MGAT5: variants seen among roughly 807,000 people sequenced by gnomAD.
The protein encoded by MGAT5 is alpha-1,6-mannosylglycoprotein 6-beta-N-acetylglucosaminyltransferase A.
MGAT5 carries 30 observed loss-of-function variants against 94.3 expected under a neutral mutation model. The ratio of observed to expected loss-of-function variants is 0.32; its 90% CI spans 0.24 to 0.43. The LOEUF is 0.43. Ranked by LOEUF, MGAT5 falls within the 20% of genes least tolerant of loss-of-function variation. MGAT5 has a pLI of 1.00. For synonymous variants in MGAT5, 310 were observed against 322.9 expected, an observed-to-expected ratio of 0.96 and a Z score of 0.43; for missense variants, 691 against 905.5, an observed-to-expected ratio of 0.76 and a Z score of 3.04.
Position 134,121,157 on chromosome 2 carries a change from C to G in MGAT5, c.-143+866C>G, listed in dbSNP as rs575823125. Among the ~76,000 whole-genome samples, 5 of 152,322 alleles carry G rather than the reference C, an allele frequency of 3.3e-5. No homozygotes were observed. In the East Asian group the frequency reaches 7.7e-4, roughly 24 times the overall value. Reference sequence around the variant, plus strand: ...GCTCTTTCGCGCCCCTGGCCCCTGCCTCGCCTCAGTTGAGCTACGCGCACT... The same window carrying G: ...GCTCTTTCGCGCCCCTGGCCCCTGCGTCGCCTCAGTTGAGCTACGCGCACT... On this transcript the variant is annotated intron_variant, in intron 1 of 16. Coordinates refer to the MGAT5 transcript ENST00000409645.
intron 7 of MGAT5, 131 bp downstream of exon 7, chr2:134,341,890 T>A: frequency 1.4e-6 from 1 of 709,466 alleles, no homozygotes; most frequent in East Asian, 2.9e-5. Flanking sequence ...AAACAGGAGA[T>A]AAGAAGATTA....
At chr2:134,178,888 T>A (rs937585373) in intron 1 of MGAT5, among the ~76,000 whole-genome samples, 4 of 152,248 alleles carry the variant, frequency 2.6e-5, no homozygotes, top group Non-Finnish European at 5.9e-5. Context: ...TTATCTGCAT[T>A]AATTCATTGA....
intron 1 of MGAT5, among the ~76,000 whole-genome samples, chr2:134,240,610 T>C (rs1447708140): frequency 6.6e-6 from 1 of 152,182 alleles, no homozygotes; most frequent in Non-Finnish European, 1.5e-5. Context: ...ACAGGATGCA[T>C]TAGGAAAAGT....
At chr2:134,372,167 G>A (rs1485036160) in intron 10 of MGAT5, among the ~76,000 whole-genome samples, 1 of 152,132 alleles carries the variant, frequency 6.6e-6, no homozygotes, top group African/African-American at 2.4e-5. Flanking sequence ...ATCTCTTCCT[G>A]TCCATGTGTG....
At chr2:134,427,788 A>G (rs1684670668) in intron 13 of MGAT5, among the ~76,000 whole-genome samples, 1 of 152,190 alleles carries the variant, frequency 6.6e-6, no homozygotes, top group African/African-American at 2.4e-5. Flanking sequence ...ACACTTTATA[A>G]CTTTATTTTT....
intron 1 of MGAT5, among the ~76,000 whole-genome samples, chr2:134,232,792 A>G (rs562501385): frequency 3.3e-4 from 50 of 152,234 alleles, no homozygotes; most frequent in African/African-American, 1.1e-3. Context: ...TAAGAATGGC[A>G]TGGGTCTTCT....
At chr2:134,448,515 C>T in intron 15 of MGAT5, 134 bp from the exon 16 acceptor site, 1 of 810,452 alleles carries the variant, frequency 1.2e-6, no homozygotes, top group Non-Finnish European at 2.1e-6. Flanking sequence ...AGGGTGGGCA[C>T]CATTTCATTT....
intron 1 of MGAT5, among the ~76,000 whole-genome samples, chr2:134,182,938 C>T (rs1214190602): frequency 6.6e-6 from 1 of 151,536 alleles, no homozygotes; most frequent in Non-Finnish European, 1.5e-5. Context: ...AGGCGCCCAC[C>T]ATCACACCTG....
upstream of MGAT5, among the ~76,000 whole-genome samples, chr2:134,252,860 C>A (rs369329242): frequency 2.1e-4 from 32 of 152,140 alleles, no homozygotes; most frequent in East Asian, 5.4e-3. Flanking sequence ...GGTTTAATAA[C>A]CCCTGGGCCA....
At chr2:134,432,113 A>G (rs886698575) in intron 14 of MGAT5, among the ~76,000 whole-genome samples, 1 of 152,216 alleles carries the variant, frequency 6.6e-6, no homozygotes, top group South Asian at 2.1e-4. Flanking sequence ...TAAGGTTTTC[A>G]TTATGCATTT....
At chr2:134,357,531 A>G (rs1679822871) in intron 9 of MGAT5, among the ~76,000 whole-genome samples, 1 of 152,214 alleles carries the variant, frequency 6.6e-6, no homozygotes, top group Admixed American at 6.5e-5. Flanking sequence ...TCCATGTACA[A>G]TTTTATTTTT....
At chr2:134,334,851 T>C (rs917031916) in intron 4 of MGAT5, among the ~76,000 whole-genome samples, 2 of 152,172 alleles carry the variant, frequency 1.3e-5, no homozygotes, top group African/African-American at 4.8e-5. Context: ...TGGTCTTTTC[T>C]TTTTTATGAG....
At chr2:134,227,152 A>C (rs1681108255) in intron 1 of MGAT5, among the ~76,000 whole-genome samples, 2 of 152,168 alleles carry the variant, frequency 1.3e-5, no homozygotes, top group Admixed American at 6.5e-5. Flanking sequence ...CAATGATAAC[A>C]CAAAGAATGG....
intron 4 of MGAT5, among the ~76,000 whole-genome samples, chr2:134,325,327 A>G (rs949047863): frequency 2.6e-5 from 4 of 152,126 alleles, no homozygotes; most frequent in African/African-American, 9.7e-5. Flanking sequence ...ATATCGTCTC[A>G]TGTAATTTCT....
chr2:134,413,178 G>A (rs1368117020), intron 12 of MGAT5, among the ~76,000 whole-genome samples, 163 bp downstream of exon 12: 1 of 152,090 alleles, frequency 6.6e-6, no homozygotes, highest in African/African-American at 2.4e-5. Context: ...TGCAAGTTAG[G>A]GGCAGGATTT....
At chr2:134,167,232 G>A (rs2105094080) in intron 1 of MGAT5, among the ~76,000 whole-genome samples, 1 of 152,292 alleles carries the variant, frequency 6.6e-6, no homozygotes, top group Admixed American at 6.5e-5. Flanking sequence ...GATCACATAA[G>A]GTGCTGAATG....
chr2:134,341,270 A>G (rs1047560418), intron 6 of MGAT5, among the ~76,000 whole-genome samples: 1 of 152,184 alleles, frequency 6.6e-6, no homozygotes, highest in Non-Finnish European at 1.5e-5. Flanking sequence ...TAAAAGACCA[A>G]TAGTGTTAGA....
intron 4 of MGAT5, among the ~76,000 whole-genome samples, chr2:134,330,812 A>T (rs1687925221): frequency 1.3e-5 from 2 of 152,104 alleles, no homozygotes; most frequent in South Asian, 4.1e-4. Context: ...ATACAGCATG[A>T]AATCCTGTGT....
chr2:134,246,222 A>G (rs956323118), intron 1 of MGAT5, among the ~76,000 whole-genome samples: 6 of 149,758 alleles, frequency 4.0e-5, no homozygotes, highest in African/African-American at 1.5e-4. Flanking sequence ...GTCTCTGTTC[A>G]TACCTATTTC....
Sources: allele counts gnomAD v4.1 joint callset (sites outside exome capture counted in the v4.1 genomes callset), GRCh38; gene constraint gnomAD v4.1.1; transcripts MANE v1.5; gene names NCBI Gene and HGNC (gene_info 2026-07-23, HGNC 2026-07-21).